The following LRRC4C variants were observed in gnomAD, a reference collection of about 807,000 sequenced individuals.
LRRC4C encodes leucine-rich repeat-containing protein 4C.
Under a neutral mutation model 33.6 loss-of-function variants are expected in LRRC4C, and 5 were observed. That is an observed-to-expected ratio of 0.15 (90% CI 0.08 to 0.31). The LOEUF (loss-of-function observed/expected upper bound fraction) is 0.31, where lower values mean the gene tolerates loss of function less well. Ranked by LOEUF, LRRC4C falls within the 10% of genes least tolerant of loss-of-function variation. LRRC4C has a pLI of 1.00. For missense variants in LRRC4C, 560 were observed against 796.7 expected, an observed-to-expected ratio of 0.70 and a Z score of 3.58; for synonymous variants, 329 against 302.0, an observed-to-expected ratio of 1.09 and a Z score of -0.93.
chr11:40,294,249 A>T (rs1228805611), intron 4 of LRRC4C: 1 of 152,202 alleles, frequency 6.6e-6, no homozygotes, highest in East Asian at 1.9e-4. Flanking sequence ...AGCTTCAGAG[A>T]TGTGGCTCTG....
At chr11:41,260,456 T>C (rs2136724635) in intron 1 of LRRC4C, among the ~76,000 whole-genome samples, 2 of 152,024 alleles carry the variant, frequency 1.3e-5, no homozygotes, top group Non-Finnish European at 2.9e-5. Context: ...AGACAAGCAG[T>C]GAGATTGACT....
At chr11:41,223,017 AT>A (rs774572067) in intron 1 of LRRC4C, 20 of 152,086 alleles carry the variant, frequency 1.3e-4, no homozygotes, top group Non-Finnish European at 2.8e-4. Flanking sequence ...TTCTGTAAGG[AT>A]TAAATGAGAT....
At chr11:41,346,922 A>AC (rs1417790936) in intron 1 of LRRC4C, among the ~76,000 whole-genome samples, 1 of 152,228 alleles carries the variant, frequency 6.6e-6, no homozygotes, top group East Asian at 1.9e-4. Flanking sequence ...CAAAATCCAG[A>AC]ATTTATAGTA....
intron 2 of LRRC4C, among the ~76,000 whole-genome samples, chr11:40,903,621 T>G (rs1248050833): frequency 1.3e-5 from 2 of 152,154 alleles, no homozygotes; most frequent in East Asian, 3.9e-4. Context: ...GGTCAAACTA[T>G]CAACATTAAT....
chr11:41,187,892 G>A (rs1014230674), intron 1 of LRRC4C, among the ~76,000 whole-genome samples: 3 of 152,178 alleles, frequency 2.0e-5, no homozygotes, highest in East Asian at 1.9e-4. Context: ...CCTGTGAGGA[G>A]GATAAGGGAA....
intron 2 of LRRC4C, among the ~76,000 whole-genome samples, chr11:40,706,768 G>A (rs1419419667): frequency 2.0e-5 from 3 of 152,108 alleles, no homozygotes; most frequent in African/African-American, 7.2e-5. Flanking sequence ...AGCTTGATGG[G>A]GATGGCATTG....
At chr11:40,696,864 C>T (rs1945589269) in intron 2 of LRRC4C, among the ~76,000 whole-genome samples, 6 of 150,296 alleles carry the variant, frequency 4.0e-5, no homozygotes, top group Admixed American at 3.3e-4. Flanking sequence ...CTACCCTTTG[C>T]TACAGGCACA....
chr11:40,172,317 C>T (rs1418524295), intron 5 of LRRC4C, among the ~76,000 whole-genome samples: 4 of 152,092 alleles, frequency 2.6e-5, no homozygotes, highest in African/African-American at 7.2e-5. Context: ...AATCACTCTC[C>T]TAGATGACTT....
At chr11:41,229,265 G>A (rs990464573) in intron 1 of LRRC4C, among the ~76,000 whole-genome samples, 1 of 152,094 alleles carries the variant, frequency 6.6e-6, no homozygotes, top group Non-Finnish European at 1.5e-5. Context: ...TGAGGATGTA[G>A]AAAGAAGGCA....
intron 3 of LRRC4C, among the ~76,000 whole-genome samples, chr11:40,408,085 C>T (rs1323459318): frequency 6.6e-6 from 1 of 151,870 alleles, no homozygotes; most frequent in Non-Finnish European, 1.5e-5. Flanking sequence ...AGTATTATAC[C>T]ACCAACATAG....
At chr11:40,652,101 C>T (rs558665837) in intron 2 of LRRC4C, among the ~76,000 whole-genome samples, 7 of 152,248 alleles carry the variant, frequency 4.6e-5, no homozygotes, top group East Asian at 1.9e-4. Flanking sequence ...CTGAAAGCCA[C>T]AAACATCCAC....
At chr11:40,525,540 T>C (rs1220716527) in intron 3 of LRRC4C, among the ~76,000 whole-genome samples, 2 of 151,692 alleles carry the variant, frequency 1.3e-5, no homozygotes, top group Non-Finnish European at 2.9e-5. Context: ...TAGAAAAGCA[T>C]CTAATGGAAA....
At chr11:41,456,311 C>T (rs1956170077) in intron 1 of LRRC4C, among the ~76,000 whole-genome samples, 1 of 152,050 alleles carries the variant, frequency 6.6e-6, no homozygotes, top group Admixed American at 6.6e-5. Flanking sequence ...CCTTACCCAC[C>T]TCCAGGGCCA....
intron 2 of LRRC4C, among the ~76,000 whole-genome samples, chr11:40,665,742 TC>T (rs1943771486): frequency 6.6e-6 from 1 of 152,164 alleles, no homozygotes; most frequent in African/African-American, 2.4e-5. Flanking sequence ...GATCTCTATT[TC>T]CTATAACCGT....
At chr11:40,347,849 C>T (rs1236200304) in intron 3 of LRRC4C, among the ~76,000 whole-genome samples, 1 of 152,176 alleles carries the variant, frequency 6.6e-6, no homozygotes, top group Non-Finnish European at 1.5e-5. Context: ...CTCAGGTGAT[C>T]CGCCTGCCTT....
intron 1 of LRRC4C, among the ~76,000 whole-genome samples, chr11:41,388,225 T>G (rs181442483): frequency 2.0e-5 from 3 of 151,724 alleles, no homozygotes; most frequent in Admixed American, 2.0e-4. Context: ...AAATAGAAAG[T>G]AGATAAAGAG....
intron 3 of LRRC4C, among the ~76,000 whole-genome samples, chr11:40,527,444 G>GT (rs1383151875): frequency 5.3e-5 from 8 of 152,154 alleles, no homozygotes; most frequent in Admixed American, 5.2e-4. Context: ...TGGCACTGAT[G>GT]TAAGAAAGTG....
chr11:40,736,777 T>C (rs1947887308), intron 2 of LRRC4C, among the ~76,000 whole-genome samples: 1 of 152,182 alleles, frequency 6.6e-6, no homozygotes, highest in Non-Finnish European at 1.5e-5. Context: ...TGATGAGCTG[T>C]ATTTCATATG....
chr11:40,983,884 A>G (rs1592256583), intron 1 of LRRC4C, among the ~76,000 whole-genome samples: 1 of 152,260 alleles, frequency 6.6e-6, no homozygotes, highest in African/African-American at 2.4e-5. Context: ...GTTCTTCCCA[A>G]TGTTGTAGTC....
Sources: allele counts gnomAD v4.1 joint callset (sites outside exome capture counted in the v4.1 genomes callset), GRCh38; gene constraint gnomAD v4.1.1; transcripts MANE v1.5; gene names NCBI Gene and HGNC (gene_info 2026-07-23, HGNC 2026-07-21).